CCSER1: variants seen among roughly 807,000 people sequenced by gnomAD.
CCSER1 encodes coiled-coil serine rich protein 1.
CCSER1 carries 41 observed loss-of-function variants against 82.0 expected under a neutral mutation model. That is an observed-to-expected ratio of 0.50 (90% confidence interval 0.39 to 0.65). The LOEUF is 0.65. CCSER1 is among the 30% of genes least tolerant of loss of function. CCSER1 has a pLI of 0.00. For synonymous variants in CCSER1, 414 were observed against 383.9 expected (o/e 1.08, Z -0.92); for missense variants, 1,119 against 1,064.2 (o/e 1.05, Z -0.72).
At chr4:91,435,051 A>G (rs1335339043) in intron 10 of CCSER1, among the ~76,000 whole-genome samples, 10 of 152,144 alleles carry the variant, frequency 6.6e-5, no homozygotes, top group Non-Finnish European at 1.5e-4. Context: ...TGGCATGTAC[A>G]TGGGCAATAT....
At chr4:91,014,432 C>T in intron 9 of CCSER1, among the ~76,000 whole-genome samples, 1 of 134,568 alleles carries the variant, frequency 7.4e-6, no homozygotes, top group East Asian at 2.4e-4. Context: ...TTCTACTTCT[C>T]CACACCACGT....
intron 10 of CCSER1, among the ~76,000 whole-genome samples, chr4:91,198,608 A>G (rs565333683): frequency 5.9e-5 from 9 of 152,274 alleles, no homozygotes; most frequent in Non-Finnish European, 1.2e-4. Context: ...TCACATAATC[A>G]TAGAGCTGCA....
chr4:90,808,503 C>T (rs1757812524), intron 7 of CCSER1, among the ~76,000 whole-genome samples: 1 of 151,918 alleles, frequency 6.6e-6, no homozygotes, highest in African/African-American at 2.4e-5. Context: ...CGACAAAGAA[C>T]TAATATCCAG....
intron 8 of CCSER1, among the ~76,000 whole-genome samples, chr4:90,818,790 A>T: frequency 6.6e-6 from 1 of 152,164 alleles, no homozygotes; most frequent in Non-Finnish European, 1.5e-5. Context: ...CCAGGTGAGA[A>T]CCACTGCTAC....
intron 8 of CCSER1, among the ~76,000 whole-genome samples, chr4:90,852,606 AC>A (rs1294349076): frequency 6.6e-6 from 1 of 152,218 alleles, no homozygotes; most frequent in Non-Finnish European, 1.5e-5. Context: ...ATCTCTGGCA[AC>A]GGCTCTAACC....
intron 4 of CCSER1, among the ~76,000 whole-genome samples, chr4:90,449,936 T>G (rs1042969593): frequency 6.6e-6 from 1 of 152,146 alleles, no homozygotes; most frequent in African/African-American, 2.4e-5. Context: ...GCTGGCTCCA[T>G]GGAGTGTACA....
intron 10 of CCSER1, among the ~76,000 whole-genome samples, chr4:91,099,626 C>T (rs148884137): frequency 0.015 from 2,215 of 152,180 alleles, 52 homozygotes; most frequent in African/African-American, 0.049. Flanking sequence ...TTAAGAAATA[C>T]ATTGGTTTGG....
chr4:90,414,275 G>T lies in CCSER1; in HGVS notation c.1603+14146G>T, dbSNP rs78215559. 1.3e-3 allele frequency among the ~76,000 whole-genome samples: 202 copies of T among 151,284 alleles called. 5 individuals are homozygous for T. In the East Asian group the frequency reaches 0.025, roughly 19 times the overall value. ...TTTAAATTCTAATATAAAGGCTAAG[G>T]TTTTCAATTTAAAAGGTTTTAGATT... On this transcript the variant is annotated intron_variant, in intron 4 of 10. Transcript: ENST00000509176.
At position 90,410,936 on chromosome 4, in the gene CCSER1, A is replaced by G. The variant is rs527414999; in HGVS notation, c.1603+10807A>G. ...AAATAGACACAATAAAAAATGACAA[A>G]GAGGATATCACCACTGATCCCACAG... On this transcript the variant is annotated intron_variant, in intron 4 of 10. Coordinates refer to ENST00000509176, the MANE Select transcript of CCSER1 (RefSeq NM_001145065.2). Among the ~76,000 whole-genome samples, 37 of 152,358 alleles carry G rather than the reference A, an allele frequency of 2.4e-4. 1 individual carries two copies. In the South Asian group the frequency reaches 7.3e-3, roughly 30 times the overall value.
intron 10 of CCSER1, among the ~76,000 whole-genome samples, chr4:91,537,537 T>A (rs1043075588): frequency 6.6e-6 from 1 of 151,974 alleles, no homozygotes; most frequent in Non-Finnish European, 1.5e-5. Context: ...TATGAAACTT[T>A]TAAAACCTAA....
chr4:91,084,114 G>A (rs1160473057), intron 9 of CCSER1, among the ~76,000 whole-genome samples: 1 of 152,032 alleles, frequency 6.6e-6, no homozygotes, highest in Admixed American at 6.6e-5. Context: ...TGTATTTTTA[G>A]TGGAGACAGG....
intron 10 of CCSER1, among the ~76,000 whole-genome samples, chr4:91,322,993 A>G (rs971242233): frequency 2.6e-5 from 4 of 152,194 alleles, no homozygotes; most frequent in African/African-American, 9.6e-5. Context: ...CTCTTTTAAG[A>G]TACAGTAAGA....
chr4:90,696,254 A>C (rs946298908), intron 6 of CCSER1, among the ~76,000 whole-genome samples: 1 of 152,158 alleles, frequency 6.6e-6, no homozygotes, highest in Admixed American at 6.6e-5. Context: ...TTAACTGATT[A>C]GCTCCTGCCA....
chr4:91,133,363 G>A (rs756676071), intron 10 of CCSER1, among the ~76,000 whole-genome samples: 25 of 152,158 alleles, frequency 1.6e-4, no homozygotes, highest in Non-Finnish European at 1.2e-4. Flanking sequence ...GGACAGAGGA[G>A]TCATTCGGGT....
chr4:91,273,063 G>A (rs1484246850), intron 10 of CCSER1, among the ~76,000 whole-genome samples: 1 of 152,096 alleles, frequency 6.6e-6, no homozygotes, highest in South Asian at 2.1e-4. Context: ...GCTTAGTCTT[G>A]CTTTGGCTAT....
At chr4:91,206,145 G>A (rs1214718794) in intron 10 of CCSER1, among the ~76,000 whole-genome samples, 1 of 151,864 alleles carries the variant, frequency 6.6e-6, no homozygotes, top group Non-Finnish European at 1.5e-5. Context: ...GGAATGAAGA[G>A]AGAGCATTGT....
intron 6 of CCSER1, among the ~76,000 whole-genome samples, chr4:90,691,437 A>G (rs1365309429): frequency 1.3e-5 from 2 of 151,532 alleles, no homozygotes; most frequent in East Asian, 3.9e-4. Flanking sequence ...ATAAACTCAT[A>G]TATATGTATA....
chr4:90,702,841 C>T (rs577121995), intron 6 of CCSER1, among the ~76,000 whole-genome samples: 19 of 152,018 alleles, frequency 1.2e-4, no homozygotes, highest in African/African-American at 3.1e-4. Flanking sequence ...TTTTTTATTG[C>T]GTCTATTTGA....
intron 3 of CCSER1, among the ~76,000 whole-genome samples, chr4:90,317,708 T>C (rs1255896092): frequency 6.6e-6 from 1 of 152,232 alleles, no homozygotes; most frequent in Non-Finnish European, 1.5e-5. Flanking sequence ...TCACTTAGGC[T>C]ACATGTTTAT....
Sources: allele counts gnomAD v4.1 joint callset (sites outside exome capture counted in the v4.1 genomes callset), GRCh38; gene constraint gnomAD v4.1.1; transcripts MANE v1.5; gene names NCBI Gene and HGNC (gene_info 2026-07-23, HGNC 2026-07-21).